The following CNTN4 variants were observed in gnomAD, a reference collection of about 807,000 sequenced individuals.
CNTN4 encodes contactin 4.
A neutral mutation model predicts 122.5 loss-of-function variants in CNTN4; 77 were observed. That is an observed-to-expected ratio of 0.63 (90% CI 0.52 to 0.76). The LOEUF (loss-of-function observed/expected upper bound fraction) is 0.76. Among genes scored for constraint, CNTN4 ranks in the 30% least tolerant of loss-of-function variants. The pLI is 0.00. For missense variants in CNTN4, 1,256 were observed against 1,259.1 expected, an observed-to-expected ratio of 1.00 and a Z score of 0.04; for synonymous variants, 512 against 447.0, an observed-to-expected ratio of 1.15 and a Z score of -1.83.
rs140082285 is a variant in CNTN4, at chr3:2,162,073, A to G, written c.-145+61434A>G. Among the ~76,000 whole-genome samples, 499 of 152,296 alleles carry G rather than the reference A, an allele frequency of 3.3e-3. 2 individuals carry two copies. Among genetic ancestry groups the G allele is most frequent in the African/African-American group, 0.011 (457 of 41,562 alleles). The stretch of plus-strand genomic sequence containing the variant: ...TTTAATTTAGTTTTATTCTTTTTCA[A>G]TGAGAATACAGATTTCAAACTAAAT... On this transcript the variant is annotated intron_variant, in intron 2 of 24. Coordinates refer to ENST00000418658, the MANE Select transcript of CNTN4 (RefSeq NM_175607.3).
At chr3:2,576,134 C>T (rs1012048698) in intron 4 of CNTN4, among the ~76,000 whole-genome samples, 6 of 152,054 alleles carry the variant, frequency 3.9e-5, no homozygotes, top group East Asian at 1.9e-4. Flanking sequence ...CACGCCCAGC[C>T]GCTTTCTTCT....
At chr3:2,612,445 G>A (rs2081539881) in intron 4 of CNTN4, among the ~76,000 whole-genome samples, 1 of 152,080 alleles carries the variant, frequency 6.6e-6, no homozygotes, top group Non-Finnish European at 1.5e-5. Context: ...TACTGAATGT[G>A]TATTGTTTTG....
chr3:2,442,880 A>C (rs1278096494), intron 3 of CNTN4, among the ~76,000 whole-genome samples: 1 of 152,162 alleles, frequency 6.6e-6, no homozygotes, highest in East Asian at 1.9e-4. Context: ...GGATATCTGC[A>C]CTTTGTCTCT....
chr3:2,397,535 C>T (rs2046684447), intron 3 of CNTN4, among the ~76,000 whole-genome samples: 1 of 151,828 alleles, frequency 6.6e-6, no homozygotes, highest in Non-Finnish European at 1.5e-5. Flanking sequence ...AAGTGTGCTC[C>T]TCACATATAC....
At position 3,034,612 on chromosome 3, in the gene CNTN4, G is replaced by A. The variant is rs1463641086; in HGVS notation, c.1784-20G>A. 7 of 1,613,612 alleles carry A rather than the reference G, an allele frequency of 4.3e-6. No individual in the cohort carries two copies. The African/African-American group carries it at 8.0e-5, about 18-fold the overall frequency. The stretch of plus-strand genomic sequence containing the variant: ...GTTTGAATACACTGCTCCAATTCTG[G>A]GGGTCTTGCTCTTTCCCAGGTCCTC... On this transcript the variant is annotated intron_variant, in intron 16 of 24. Coordinates refer to ENST00000418658, the MANE Select transcript of CNTN4 (RefSeq NM_175607.3).
intron 2 of CNTN4, among the ~76,000 whole-genome samples, chr3:2,233,413 C>T (rs529188213): frequency 2.0e-4 from 31 of 152,146 alleles, no homozygotes; most frequent in Non-Finnish European, 2.2e-4. Context: ...TTTTGTTTTT[C>T]GCAGTCTTGT....
intron 4 of CNTN4, among the ~76,000 whole-genome samples, chr3:2,734,397 C>T (rs1007326735): frequency 6.6e-6 from 1 of 152,094 alleles, no homozygotes; most frequent in Admixed American, 6.6e-5. Context: ...GAATCACTGG[C>T]CTAGTCTAAT....
intron 6 of CNTN4, among the ~76,000 whole-genome samples, chr3:2,768,403 A>T (rs1049653278): frequency 6.6e-6 from 1 of 152,226 alleles, no homozygotes; most frequent in Non-Finnish European, 1.5e-5. Context: ...TCAATATTAA[A>T]TTTGTTAACT....
intron 2 of CNTN4, among the ~76,000 whole-genome samples, chr3:2,213,651 AGGC>A (rs2038715030): frequency 6.6e-6 from 1 of 152,162 alleles, no homozygotes; most frequent in African/African-American, 2.4e-5. Context: ...AATGCACTCC[AGGC>A]TCCCATTGGT....
intron 13 of CNTN4, among the ~76,000 whole-genome samples, chr3:2,930,911 A>G (rs2094514625): frequency 1.3e-5 from 2 of 152,206 alleles, no homozygotes; most frequent in African/African-American, 4.8e-5. Context: ...ATCCTGAGGC[A>G]TATGTTATAA....
At chr3:2,300,338 T>C (rs1475080397) in intron 2 of CNTN4, among the ~76,000 whole-genome samples, 1 of 152,122 alleles carries the variant, frequency 6.6e-6, no homozygotes, top group East Asian at 1.9e-4. Context: ...TCAGGGTAGA[T>C]TTGTATGTGT....
At chr3:2,372,368 A>G (rs1375081194) in intron 3 of CNTN4, among the ~76,000 whole-genome samples, 5 of 152,200 alleles carry the variant, frequency 3.3e-5, no homozygotes, top group Non-Finnish European at 5.9e-5. Flanking sequence ...GTAGAATCCA[A>G]AGGGCAATAA....
At chr3:2,242,161 T>C (rs1237103569) in intron 2 of CNTN4, among the ~76,000 whole-genome samples, 1 of 152,156 alleles carries the variant, frequency 6.6e-6, no homozygotes, top group Admixed American at 6.6e-5. Context: ...AAATCTCTAA[T>C]AGAAATCACA....
intron 3 of CNTN4, among the ~76,000 whole-genome samples, chr3:2,533,737 C>G (rs986206434): frequency 2.1e-4 from 32 of 150,296 alleles, no homozygotes; most frequent in Non-Finnish European, 4.3e-4. Flanking sequence ...GTTGAACTAG[C>G]TGTTCCTATT....
intron 3 of CNTN4, among the ~76,000 whole-genome samples, chr3:2,415,803 T>G (rs1242939828): frequency 6.6e-6 from 1 of 152,188 alleles, no homozygotes; most frequent in Non-Finnish European, 1.5e-5. Flanking sequence ...CTCACCTTTT[T>G]TTTAAATTTG....
At chr3:2,236,001 C>A (rs1272741076) in intron 2 of CNTN4, among the ~76,000 whole-genome samples, 1 of 152,060 alleles carries the variant, frequency 6.6e-6, no homozygotes, top group African/African-American at 2.4e-5. Flanking sequence ...AGTGGGCCAT[C>A]TTAATTCAAT....
At chr3:2,701,432 G>A (rs1199632943) in intron 4 of CNTN4, among the ~76,000 whole-genome samples, 2 of 152,204 alleles carry the variant, frequency 1.3e-5, no homozygotes, top group African/African-American at 4.8e-5. Flanking sequence ...AGCATTGCCA[G>A]TGAAAATGCA....
In CNTN4 at chr3:2,900,844, T is replaced by C. The variant is rs1201797987; in HGVS notation, c.1077+23T>C. The C allele has an allele frequency of 2.5e-6, 4 of 1,613,546 alleles. No individual in the cohort carries two copies. In the African/African-American group the frequency reaches 5.3e-5, roughly 22 times the overall value. On this transcript the variant is annotated intron_variant, in intron 11 of 24. Coordinates refer to ENST00000418658, the MANE Select transcript of CNTN4 (RefSeq NM_175607.3). The stretch of plus-strand genomic sequence containing the variant: ...CGGGTAAGCAAGTTAATGGTAATTG[T>C]GCCTTAGTCTTGACTATAACGTTTA...
intron 14 of CNTN4, among the ~76,000 whole-genome samples, chr3:3,012,484 C>A (rs1363143057): frequency 6.6e-6 from 1 of 152,002 alleles, no homozygotes; most frequent in African/African-American, 2.4e-5. Context: ...CAGTCTCACA[C>A]TGTTGCCCGG....
Sources: gnomAD v4.1 joint callset for allele counts (sites outside exome capture counted in the v4.1 genomes callset) on GRCh38, gnomAD v4.1.1 for gene constraint, MANE v1.5 for transcripts, NCBI Gene and HGNC (gene_info 2026-07-23, HGNC 2026-07-21) for gene names.